Variants in GRIK1 observed in about 807,000 individuals in gnomAD.
GRIK1 encodes the protein glutamate ionotropic receptor kainate type subunit 1, also known as glutamate receptor ionotropic, kainate 1.
In GRIK1, 69 loss-of-function variants were observed where a neutral mutation model predicts 105.7. The observed-to-expected ratio is 0.65, with a 90% CI of 0.54 to 0.80. GRIK1 has a LOEUF of 0.80. GRIK1 is among the 30% of genes least tolerant of loss of function. The pLI is 0.00. For missense variants in GRIK1, 1,109 were observed against 1,167.3 expected (o/e 0.95, Z 0.73); for synonymous variants, 438 against 431.3 (o/e 1.02, Z -0.19).
At chr21:29,612,259 G>A (rs966591897) in intron 7 of GRIK1, among the ~76,000 whole-genome samples, 1 of 152,158 alleles carries the variant, frequency 6.6e-6, no homozygotes, top group Non-Finnish European at 1.5e-5. Context: ...CTTCTTGCTA[G>A]CAATGCCTTT....
intron 7 of GRIK1, among the ~76,000 whole-genome samples, chr21:29,618,141 G>C (rs559787414): frequency 2.8e-4 from 42 of 152,114 alleles, no homozygotes; most frequent in African/African-American, 9.9e-4. Flanking sequence ...TCAGAGACAG[G>C]GTTAGCATTC....
intron 8 of GRIK1, chr21:29,596,791 T>G (rs1405225919): frequency 1.8e-6 from 1 of 568,644 alleles, no homozygotes; most frequent in East Asian, 3.0e-5. Flanking sequence ...AAGACTCAAT[T>G]TTTACTTTTC....
chr21:29,610,278 A>G (rs2061703784), intron 7 of GRIK1, among the ~76,000 whole-genome samples: 4 of 152,096 alleles, frequency 2.6e-5, no homozygotes, highest in Admixed American at 1.3e-4. Context: ...CCCATTGTCC[A>G]TGTTCTAATC....
In GRIK1 at chr21:29,888,199, C is replaced by CTTTCTTTCTTTCTTCCTTTCTT. The variant is rs1391865067; in HGVS notation, c.118+51183_118+51184insAAGAAAGGAAGAAAGAAAGAAA. Reference sequence around the variant, plus strand: ...TTTCTTTCTTCCTTTCTTTCTTTCTCTCTCTCTCTCTCTCTCTCTCTCTCT... The same window carrying CTTTCTTTCTTTCTTCCTTTCTT: ...TTTCTTTCTTCCTTTCTTTCTTTCTCTTTCTTTCTTTCTTCCTTTCTTTCTCTCTCTCTCTCTCTCTCTCTCT... On this transcript the variant is annotated intron_variant, in intron 1 of 17. Transcript: ENST00000327783. 5.1e-3 allele frequency among the ~76,000 whole-genome samples: 80 copies of CTTTCTTTCTTTCTTCCTTTCTT among 15,808 alleles called. 15 individuals carry two copies. In the South Asian group the frequency reaches 0.051, roughly 10 times the overall value. The allele number at this position is 15,808 out of a possible 152,430, so 10.4% of individuals were successfully genotyped here.
intron 14 of GRIK1, among the ~76,000 whole-genome samples, chr21:29,567,758 G>C (rs2090644767): frequency 6.6e-6 from 1 of 152,104 alleles, no homozygotes; most frequent in African/African-American, 2.4e-5. Flanking sequence ...GTGAATAGTT[G>C]CCTTAAAAAC....
chr21:29,595,217 T>C (rs2061388644), intron 9 of GRIK1, among the ~76,000 whole-genome samples: 1 of 152,082 alleles, frequency 6.6e-6, no homozygotes, highest in Non-Finnish European at 1.5e-5. Flanking sequence ...TGCAGTTTAG[T>C]GACAAATAGA....
chr21:29,918,356 C>A (rs1369046421), intron 1 of GRIK1, among the ~76,000 whole-genome samples: 1 of 151,976 alleles, frequency 6.6e-6, no homozygotes, highest in Admixed American at 6.6e-5. Flanking sequence ...TTCAAAAGCC[C>A]AGCGAAGTAG....
chr21:29,680,945 C>T (rs903110191), intron 3 of GRIK1, among the ~76,000 whole-genome samples: 13 of 151,928 alleles, frequency 8.6e-5, no homozygotes, highest in African/African-American at 2.9e-4. Flanking sequence ...CCAGCCTGAC[C>T]GACATAGTGA....
intron 1 of GRIK1, among the ~76,000 whole-genome samples, chr21:29,830,765 T>A (rs1230916470): frequency 1.3e-5 from 2 of 152,134 alleles, no homozygotes; most frequent in Admixed American, 1.3e-4. Flanking sequence ...ATTTCAGATA[T>A]TACAAGTTTG....
chr21:29,825,499 GATGAT>G (rs1457502536), intron 1 of GRIK1, among the ~76,000 whole-genome samples: 1 of 152,036 alleles, frequency 6.6e-6, no homozygotes, highest in Non-Finnish European at 1.5e-5. Flanking sequence ...CACTCTTTTA[GATGAT>G]ATATCTTTGA....
At chr21:29,656,260 G>A (rs1033553940) in intron 4 of GRIK1, among the ~76,000 whole-genome samples, 37 of 148,712 alleles carry the variant, frequency 2.5e-4, no homozygotes, top group African/African-American at 7.9e-4. Flanking sequence ...TACTCAGGAG[G>A]CTGAGGCAGG....
Position 29,651,148 on chromosome 21 carries a change from G to T in GRIK1, c.924C>A (p.Pro308=). ...SMERLQAPPR[P]ETGLLDGMMT... is the part of the protein sequence containing the mutation. ...TCATGCCATCCAAAAGGCCAGTCTC[G>T]GGCCTGGGTGGGGCCTGCAGTCTCT... Residue 308 remains proline, a synonymous_variant, in exon 6 of 18, where the codon CCC becomes CCA. Transcript: ENST00000327783. 1 of 1,611,220 alleles carries T rather than the reference G, an allele frequency of 6.2e-7. No individual in the cohort carries two copies. Among genetic ancestry groups the T allele is most frequent in the South Asian group, 1.1e-5 (1 of 90,290 alleles).
At chr21:29,598,126 T>C (rs983971270) in intron 8 of GRIK1, among the ~76,000 whole-genome samples, 3 of 152,196 alleles carry the variant, frequency 2.0e-5, no homozygotes, top group African/African-American at 4.8e-5. Context: ...TTCTGACGTA[T>C]AGTCATGAAT....
intron 13 of GRIK1, among the ~76,000 whole-genome samples, chr21:29,579,961 GTGTGTA>G (rs200173694): frequency 0.059 from 8,317 of 141,986 alleles, 422 homozygotes; most frequent in African/African-American, 0.14. Context: ...ATATATGTGT[GTGTGTA>G]TATATATATA....
chr21:29,790,627 A>AT (rs1393523769), intron 1 of GRIK1, among the ~76,000 whole-genome samples: 6 of 151,464 alleles, frequency 4.0e-5, no homozygotes, highest in Non-Finnish European at 8.8e-5. Context: ...GTATTTTTGT[A>AT]TTTTTTGTAG....
At chr21:29,810,466 A>G (rs1286289649) in intron 1 of GRIK1, among the ~76,000 whole-genome samples, 1 of 152,136 alleles carries the variant, frequency 6.6e-6, no homozygotes, top group Non-Finnish European at 1.5e-5. Context: ...TTCAATTTGT[A>G]AGAAATGCAA....
At chr21:29,742,297 T>C (rs548044756) in intron 1 of GRIK1, among the ~76,000 whole-genome samples, 1 of 152,338 alleles carries the variant, frequency 6.6e-6, no homozygotes, top group East Asian at 1.9e-4. Flanking sequence ...CTCATGTTTT[T>C]ATTAGAAATA....
Position 29,640,402 on chromosome 21 carries a change from G to A in GRIK1, c.1098+2424C>T, listed in dbSNP as rs548621764. On this transcript the variant is annotated intron_variant, in intron 7 of 17. Coordinates refer to ENST00000327783, the MANE Select transcript of GRIK1 (RefSeq NM_001330994.2). ...TCTTCTCTGTAGGTACCTACACCCTGCCAAAGGTAGCATATGACATCCTGA... is the reference window on the plus strand; with the variant it reads ...TCTTCTCTGTAGGTACCTACACCCTACCAAAGGTAGCATATGACATCCTGA... Among the ~76,000 whole-genome samples the A allele has an allele frequency of 2.0e-5, 3 of 152,242 alleles. No homozygotes were observed. The East Asian group carries it at 5.8e-4, about 29-fold the overall frequency.
intron 1 of GRIK1, chr21:29,759,954 A>G (rs911965126): frequency 1.3e-5 from 2 of 152,220 alleles, no homozygotes; most frequent in Admixed American, 1.3e-4. Context: ...TTCTGTAATG[A>G]TAGTAATAAA....
Sources: gnomAD v4.1 joint callset for allele counts (sites outside exome capture counted in the v4.1 genomes callset) on GRCh38, gnomAD v4.1.1 for gene constraint, MANE v1.5 for transcripts, NCBI Gene and HGNC (gene_info 2026-07-23, HGNC 2026-07-21) for gene names.